XPO4: variants seen among roughly 807,000 people sequenced by gnomAD.
XPO4 encodes the protein exportin-4.
A neutral mutation model predicts 143.0 loss-of-function variants in XPO4; 39 were observed. That is an observed-to-expected ratio of 0.27 (90% CI 0.21 to 0.36). The LOEUF (loss-of-function observed/expected upper bound fraction) is 0.36, where lower values mean the gene tolerates loss of function less well. XPO4 is among the 10% of genes least tolerant of loss of function. The pLI, the probability that XPO4 is intolerant of heterozygous loss-of-function variation, is 1.00. For missense variants in XPO4, 907 were observed against 1,348.0 expected (o/e 0.67, Z 5.12); for synonymous variants, 439 against 474.0 (o/e 0.93, Z 0.96).
At chr13:20,814,023 A>G (rs1473577071) in intron 9 of XPO4, among the ~76,000 whole-genome samples, 1 of 152,044 alleles carries the variant, frequency 6.6e-6, no homozygotes, top group Non-Finnish European at 1.5e-5. Context: ...GATGAATAAG[A>G]TACTTTCTTT....
rs1035860307 is a variant in XPO4, at chr13:20,821,745, G to C, written c.1132C>G (p.Leu378Val). ...FSSFVNCLTH[L>V]TCSFGRSAAL... ...GCACTTCGCCCAAAAGAACAAGTGA[G>C]GTGTGTGAGGCAGTTAACAAAGGAG... Residue 378 changes from leucine (L) to valine (V), a missense_variant, in exon 9 of 23, where the codon CTC becomes GTC. By Grantham distance (32) the Leu-to-Val change is conservative. Transcript: ENST00000255305. 1 of 1,613,796 alleles carries C rather than the reference G, an allele frequency of 6.2e-7. No individual in the cohort carries two copies. The highest frequency in any genetic ancestry group is 8.5e-7 in the Non-Finnish European group (1 of 1,179,802).
At chr13:20,895,826 T>C (rs1028582981) in intron 1 of XPO4, among the ~76,000 whole-genome samples, 3 of 152,182 alleles carry the variant, frequency 2.0e-5, no homozygotes, top group Non-Finnish European at 2.9e-5. Flanking sequence ...ATTTTAGATA[T>C]ACCATATTTT....
chr13:20,890,798 C>CAA (rs60214499), intron 1 of XPO4, among the ~76,000 whole-genome samples: 4,241 of 93,026 alleles, frequency 0.046, 226 homozygotes, highest in African/African-American at 0.14. Context: ...GACCCTGCCT[C>CAA]AAAAAAAAAA....
At chr13:20,876,174 A>T (rs1022854065) in intron 1 of XPO4, among the ~76,000 whole-genome samples, 13 of 151,222 alleles carry the variant, frequency 8.6e-5, no homozygotes, top group African/African-American at 3.2e-4. Flanking sequence ...AGACAGGAGA[A>T]TCACTTGAAT....
intron 4 of XPO4, chr13:20,850,799 C>T (rs2060077209): frequency 1.0e-6 from 1 of 985,248 alleles, no homozygotes; most frequent in Non-Finnish European, 1.2e-6. Context: ...AACCAATATG[C>T]TTCAAAAGCG....
intron 1 of XPO4, among the ~76,000 whole-genome samples, chr13:20,889,366 C>T (rs1214944239): frequency 6.6e-6 from 1 of 152,118 alleles, no homozygotes; most frequent in African/African-American, 2.4e-5. Context: ...TCATCTCAGA[C>T]CTTGAGTCTT....
intron 1 of XPO4, among the ~76,000 whole-genome samples, chr13:20,870,089 C>CAAAAAAAAAAAAAAAAAAAAAAAAA (rs59710121): frequency 2.0e-5 from 2 of 98,932 alleles, no homozygotes; most frequent in African/African-American, 9.0e-5. Context: ...GAAGGAGTCT[C>CAAAAAAAAAAAAAAAAAAAAAAAAA]AAAAAAAAAA....
intron 6 of XPO4, among the ~76,000 whole-genome samples, chr13:20,827,432 A>T (rs933657494): frequency 6.6e-6 from 1 of 152,208 alleles, no homozygotes; most frequent in Non-Finnish European, 1.5e-5. Context: ...GGCATACAGA[A>T]ACTTTGAGAA....
intron 1 of XPO4, among the ~76,000 whole-genome samples, chr13:20,886,943 C>T (rs772187846): frequency 1.8e-4 from 27 of 152,034 alleles, no homozygotes; most frequent in Non-Finnish European, 3.5e-4. Context: ...TGTGGTGGTG[C>T]ATGCCTGTAA....
intron 1 of XPO4, among the ~76,000 whole-genome samples, chr13:20,874,829 C>T (rs1215906087): frequency 1.3e-5 from 2 of 152,072 alleles, no homozygotes; most frequent in Non-Finnish European, 2.9e-5. Flanking sequence ...CCCATCTCTA[C>T]TAAAAATACA....
Position 20,790,485 on chromosome 13 carries a change from A to C in XPO4, c.2893T>G (p.Leu965Val), listed in dbSNP as rs1566557270. Residue 965 changes from leucine (L) to valine (V), a missense_variant, in exon 19 of 23, where the codon TTG (leucine) becomes GTG (valine). Physicochemically the swap from Leu to Val is conservative, Grantham distance 32. Coordinates refer to ENST00000255305, the MANE Select transcript of XPO4 (RefSeq NM_022459.5). ...VLYGVNLILP[L>V]MSQDLLKFPT... Reference sequence around the variant, plus strand: ...ACCTTCAAGAGATCCTGTGACATCAAGGGCAGAATTAGGTTTACTCCATAC... The same window carrying C: ...ACCTTCAAGAGATCCTGTGACATCACGGGCAGAATTAGGTTTACTCCATAC... 10 of 1,614,080 alleles carry C rather than the reference A, an allele frequency of 6.2e-6. No homozygotes were observed. The highest frequency in any genetic ancestry group is 8.5e-6 in the Non-Finnish European group (10 of 1,179,938).
intron 3 of XPO4, 24 bp from the exon 4 acceptor site, chr13:20,855,789 G>T: frequency 6.4e-7 from 1 of 1,553,486 alleles, no homozygotes; most frequent in South Asian, 1.2e-5. Context: ...AAATCATTGT[G>T]AAAAATTTAC....
At chr13:20,830,688 T>A (rs557035226) in intron 6 of XPO4, among the ~76,000 whole-genome samples, 1 of 152,168 alleles carries the variant, frequency 6.6e-6, no homozygotes, top group African/African-American at 2.4e-5. Flanking sequence ...TGGAACAGCA[T>A]CATAATGTTT....
chr13:20,890,798 CAA>C (rs60214499), intron 1 of XPO4, among the ~76,000 whole-genome samples: 72 of 93,118 alleles, frequency 7.7e-4, no homozygotes, highest in Admixed American at 7.6e-4. Flanking sequence ...GACCCTGCCT[CAA>C]AAAAAAAAAA....
intron 1 of XPO4, among the ~76,000 whole-genome samples, chr13:20,874,372 TGACAGA>T (rs1356447019): frequency 6.6e-6 from 1 of 152,234 alleles, no homozygotes; most frequent in Non-Finnish European, 1.5e-5. Flanking sequence ...TGTTTATCTT[TGACAGA>T]GACAGACGGT....
At chr13:20,855,518 T>C (rs1236574483) in intron 4 of XPO4, 109 bp downstream of exon 4, 14 of 1,132,670 alleles carry the variant, frequency 1.2e-5, no homozygotes, top group East Asian at 6.1e-5. Context: ...GCTTGACTGA[T>C]AGCTTTTTCA....
chr13:20,800,433 T>C, intron 14 of XPO4, 108 bp from the exon 15 acceptor site: 1 of 1,029,822 alleles, frequency 9.7e-7, no homozygotes, highest in Non-Finnish European at 1.4e-6. Flanking sequence ...AAGTAGTGCT[T>C]ACTTCACATC....
intron 18 of XPO4, among the ~76,000 whole-genome samples, chr13:20,793,562 C>T (rs572070905): frequency 1.3e-5 from 2 of 151,888 alleles, no homozygotes; most frequent in Non-Finnish European, 2.9e-5. Flanking sequence ...GACTGATTGA[C>T]TGATTGATTG....
intron 1 of XPO4, among the ~76,000 whole-genome samples, chr13:20,875,951 T>C (rs2060346741): frequency 6.6e-6 from 1 of 151,810 alleles, no homozygotes; most frequent in Non-Finnish European, 1.5e-5. Flanking sequence ...AAGGGTCAAA[T>C]TAATTTAAAA....
Sources: allele counts gnomAD v4.1 joint callset (sites outside exome capture counted in the v4.1 genomes callset), GRCh38; gene constraint gnomAD v4.1.1; transcripts MANE v1.5; gene names NCBI Gene and HGNC (gene_info 2026-07-23, HGNC 2026-07-21).